VWA3B: variants seen among roughly 807,000 people sequenced by gnomAD.
The protein encoded by VWA3B is von Willebrand factor A domain-containing protein 3B.
VWA3B carries 138 observed loss-of-function variants against 158.3 expected under a neutral mutation model. The ratio of observed to expected loss-of-function variants is 0.87; its 90% CI spans 0.76 to 1.00. VWA3B has a LOEUF of 1.00. Among genes scored for constraint, VWA3B ranks in the 50% least tolerant of loss-of-function variants. The pLI, the probability that VWA3B is intolerant of heterozygous loss-of-function variation, is 0.00. For synonymous variants in VWA3B, 596 were observed against 587.3 expected, an observed-to-expected ratio of 1.01 and a Z score of -0.21; for missense variants, 1,555 against 1,565.1, an observed-to-expected ratio of 0.99 and a Z score of 0.11.
intron 7 of VWA3B, among the ~76,000 whole-genome samples, chr2:98,136,429 T>G (rs1676288112): frequency 6.6e-6 from 1 of 152,116 alleles, no homozygotes; most frequent in South Asian, 2.1e-4. Context: ...CTGGGTAATT[T>G]ATAAAGAGAA....
Position 98,188,034 on chromosome 2 carries a change from G to A in VWA3B, c.1371G>A (p.Trp457Ter). Residue 457 changes from tryptophan to a stop codon, truncating the protein, a stop_gained, in exon 10 of 28, where the codon TGG becomes TGA. Coordinates refer to ENST00000477737, the MANE Select transcript of VWA3B (RefSeq NM_144992.5). LOFTEE classifies it high-confidence loss of function. ...GCAGCAGGTTTGTCCATGCTCCCTG[G>A]AAGGATGGGAGCTTGGTCCACGTCA... ...KYCSRFVHAP[W>*]KDGSLVHVNI... 2 of 1,614,032 alleles carry A rather than the reference G, an allele frequency of 1.2e-6. No individual in the cohort carries two copies. The highest frequency in any genetic ancestry group is 1.7e-6 in the Non-Finnish European group (2 of 1,180,000).
At chr2:98,111,236 C>T (rs2104911366) in intron 2 of VWA3B, among the ~76,000 whole-genome samples, 1 of 152,258 alleles carries the variant, frequency 6.6e-6, no homozygotes, top group East Asian at 1.9e-4. Context: ...AGAATAATGG[C>T]CTCCAGTTCC....
chr2:98,321,576 G>A, the VWA3B span, among the ~76,000 whole-genome samples: 1 of 152,232 alleles, frequency 6.6e-6, no homozygotes, highest in Non-Finnish European at 1.5e-5. Flanking sequence ...GGAGTGAAAA[G>A]ACATCATTTC....
chr2:98,148,922 C>A (rs954989390), intron 7 of VWA3B, among the ~76,000 whole-genome samples: 1 of 152,180 alleles, frequency 6.6e-6, no homozygotes, highest in East Asian at 1.9e-4. Context: ...ATGGGCTTCA[C>A]GTTATCCAAA....
chr2:98,294,203 CAAAAA>C lies in VWA3B; in HGVS notation c.3157+3604_3157+3608del, dbSNP rs751689571. 1.0e-3 allele frequency among the ~76,000 whole-genome samples: 59 copies of C among 56,284 alleles called. 1 individual carries two copies. Among genetic ancestry groups the C allele is most frequent in the Non-Finnish European group, 8.9e-4 (30 of 33,672 alleles). 36.9% of individuals were successfully genotyped at this position (56,284 alleles called of 152,430 possible). On this transcript the variant is annotated intron_variant, in intron 23 of 27. Coordinates refer to ENST00000477737, the MANE Select transcript of VWA3B (RefSeq NM_144992.5). ...TTTCCCTCACACACACACACACACA[CAAAAA>C]AAAAAAAAAAAAAAAAAAAAAAGAA... is the stretch of plus-strand genomic sequence containing the variant.
chr2:98,112,289 T>G (rs1674194345), intron 2 of VWA3B, among the ~76,000 whole-genome samples: 1 of 151,230 alleles, frequency 6.6e-6, no homozygotes, highest in South Asian at 2.1e-4. Context: ...GGGGTGTGTG[T>G]GTGTGTGTGT....
intron 19 of VWA3B, among the ~76,000 whole-genome samples, chr2:98,242,704 A>G (rs1329496438): frequency 6.9e-6 from 1 of 144,988 alleles, no homozygotes; most frequent in Non-Finnish European, 1.5e-5. Flanking sequence ...TCCCTAATCT[A>G]GTATGCAGTG....
chr2:98,299,948 G>GAA, intron 24 of VWA3B, 131 bp from the exon 25 acceptor site: 1 of 1,256,920 alleles, frequency 8.0e-7, no homozygotes. Flanking sequence ...TCTTAACTGA[G>GAA]AAAAAAAATA....
intron 9 of VWA3B, among the ~76,000 whole-genome samples, chr2:98,181,731 G>T (rs1198765762): frequency 6.6e-6 from 1 of 152,188 alleles, no homozygotes; most frequent in East Asian, 1.9e-4. Flanking sequence ...GGGTTTTGTA[G>T]GAATACAGCT....
At chr2:98,126,852 A>T (rs1240337006) in intron 5 of VWA3B, among the ~76,000 whole-genome samples, 5 of 152,114 alleles carry the variant, frequency 3.3e-5, no homozygotes, top group African/African-American at 1.2e-4. Flanking sequence ...CCTAAGTCCC[A>T]GTCTGGGCCC....
rs552179690 is a variant in VWA3B, at chr2:98,165,909, C to T, written c.1114+2933C>T. Among the ~76,000 whole-genome samples, 9 of 152,270 alleles carry T rather than the reference C, an allele frequency of 5.9e-5. No individual in the cohort carries two copies. The South Asian group carries it at 1.2e-3, about 21-fold the overall frequency. On this transcript the variant is annotated intron_variant, in intron 8 of 27. Transcript: ENST00000477737. ...GGACCCAGGCCAAACCCAGCACCTC[C>T]GCCCGGCAAAGAGAATGGGGAGCCT...
intron 6 of VWA3B, among the ~76,000 whole-genome samples, chr2:98,129,346 CGG>C (rs1225165858): frequency 2.0e-5 from 3 of 148,468 alleles, no homozygotes; most frequent in African/African-American, 7.5e-5. Flanking sequence ...AGCAGAGAGA[CGG>C]AGAAAGAGAG....
chr2:98,094,283 C>T (rs943347369), intron 2 of VWA3B, among the ~76,000 whole-genome samples: 1 of 152,140 alleles, frequency 6.6e-6, no homozygotes, highest in African/African-American at 2.4e-5. Flanking sequence ...GTATCCTTTT[C>T]TCCATATCCT....
At chr2:98,314,067 A>G (rs566574291), downstream of VWA3B, among the ~76,000 whole-genome samples, 32 of 152,314 alleles carry the variant, frequency 2.1e-4, 1 homozygote, top group South Asian at 6.6e-3. Context: ...GCTCTTTGAG[A>G]GATAAATGTG....
intron 16 of VWA3B, among the ~76,000 whole-genome samples, chr2:98,232,964 C>A (rs1034678458): frequency 2.6e-5 from 4 of 152,110 alleles, no homozygotes; most frequent in African/African-American, 9.7e-5. Flanking sequence ...CCACAGGGAC[C>A]AAGAGGCGTC....
chr2:98,180,409 G>T (rs60676343), intron 8 of VWA3B, among the ~76,000 whole-genome samples: 7,984 of 152,286 alleles, frequency 0.052, 649 homozygotes, highest in African/African-American at 0.18. Flanking sequence ...CCAGGCTGGT[G>T]TTAAACTCCT....
At chr2:98,209,789 T>A (rs183779506) in intron 12 of VWA3B, among the ~76,000 whole-genome samples, 160 of 152,352 alleles carry the variant, frequency 1.1e-3, no homozygotes, top group Non-Finnish European at 1.8e-3. Flanking sequence ...TAATGAGTGA[T>A]TTTTAAATTA....
At chr2:98,113,472 C>G (rs59921158) in intron 2 of VWA3B, among the ~76,000 whole-genome samples, 1 of 151,906 alleles carries the variant, frequency 6.6e-6, no homozygotes, top group Non-Finnish European at 1.5e-5. Context: ...CCATGCAGTT[C>G]GAAATCATGT....
chr2:98,203,219 T>C lies in VWA3B; in HGVS notation c.1738-8711T>C, dbSNP rs527612825. On this transcript the variant is annotated intron_variant, in intron 12 of 27. Coordinates refer to ENST00000477737, the MANE Select transcript of VWA3B (RefSeq NM_144992.5). ...TCCTCCTCTATTGAATTGTTTTTGC[T>C]CATTTGCCAAAAATCAGTTGAATAT... Among the ~76,000 whole-genome samples the C allele has an allele frequency of 1.1e-4, 16 of 152,356 alleles. No individual in the cohort carries two copies. The East Asian group carries it at 3.1e-3, about 29-fold the overall frequency.
Sources: allele counts gnomAD v4.1 joint callset (sites outside exome capture counted in the v4.1 genomes callset), GRCh38; gene constraint gnomAD v4.1.1; transcripts MANE v1.5; gene names NCBI Gene and HGNC (gene_info 2026-07-23, HGNC 2026-07-21).